The following SLC27A6 variants were observed in gnomAD, a reference collection of about 807,000 sequenced individuals.
SLC27A6 encodes the protein solute carrier family 27 member 6.
SLC27A6 carries 74 observed loss-of-function variants against 63.9 expected under a neutral mutation model. The observed-to-expected ratio is 1.16, with a 90% confidence interval of 0.96 to 1.40. SLC27A6 has a LOEUF of 1.40. Ranked by LOEUF, SLC27A6 falls within the 40% of genes most tolerant of loss-of-function variation. SLC27A6 has a pLI of 0.00. For missense variants in SLC27A6, 794 were observed against 732.9 expected, an observed-to-expected ratio of 1.08 and a Z score of -0.96; for synonymous variants, 287 against 260.8, an observed-to-expected ratio of 1.10 and a Z score of -0.97.
chr5:128,981,890 T>A (rs1750604766), intron 1 of SLC27A6, among the ~76,000 whole-genome samples: 1 of 151,668 alleles, frequency 6.6e-6, no homozygotes, highest in East Asian at 1.9e-4. Flanking sequence ...CTTGGCTCAC[T>A]GCAACCTCCG....
intron 4 of SLC27A6, among the ~76,000 whole-genome samples, chr5:129,008,301 T>G (rs944955557): frequency 1.3e-5 from 2 of 152,216 alleles, no homozygotes; most frequent in African/African-American, 4.8e-5. Flanking sequence ...GACAAAAGTC[T>G]TGATCCTAGT....
Position 129,033,253 on chromosome 5 carries a change from C to T in SLC27A6, c.1831C>T (p.Gln611Ter). The change falls in exon 10 of 10, where the codon CAA becomes TAA. Residue 611 changes from glutamine (Q) to a stop codon, truncating the protein, a stop_gained. Transcript: ENST00000262462. LOFTEE classifies it high-confidence loss of function. ...YVLLTRELYD[Q>*]IMLGEIKL ...TCTACTGACCAGGGAACTTTATGAT[C>T]AAATAATGTTAGGGGAAATAAAACT... The T allele has an allele frequency of 1.9e-6, 3 of 1,582,434 alleles. No individual in the cohort carries two copies. The South Asian group carries it at 3.5e-5, about 18-fold the overall frequency.
chr5:128,970,711 T>C (rs1466491786), intron 1 of SLC27A6, among the ~76,000 whole-genome samples: 1 of 152,028 alleles, frequency 6.6e-6, no homozygotes, highest in East Asian at 1.9e-4. Context: ...GAAAACCAGC[T>C]CCTGGATTCT....
chr5:129,010,058 C>A (rs1751679316), intron 4 of SLC27A6, among the ~76,000 whole-genome samples: 1 of 152,192 alleles, frequency 6.6e-6, no homozygotes, highest in Non-Finnish European at 1.5e-5. Context: ...TGCTAACGTG[C>A]TGAATCAGTG....
Position 128,988,598 on chromosome 5 carries a change from A to G in SLC27A6, c.686-2A>G. 6.2e-7 allele frequency: 1 copy of G among 1,612,982 alleles called. No homozygotes were observed. Among genetic ancestry groups the G allele is most frequent in the Non-Finnish European group, 8.5e-7 (1 of 1,179,518 alleles). ...ATTTCCTGTTCTTTTCTTTTCTTCCAGGTCTACCAAAAGCAGCTGTGATTA... is the reference window on the plus strand; with the variant it reads ...ATTTCCTGTTCTTTTCTTTTCTTCCGGGTCTACCAAAAGCAGCTGTGATTA... On this transcript the variant is annotated splice_acceptor_variant, in intron 2 of 9. Coordinates refer to ENST00000262462, the MANE Select transcript of SLC27A6 (RefSeq NM_001017372.3). LOFTEE classifies it high-confidence loss of function.
chr5:129,014,063 C>A (rs1237280435), intron 4 of SLC27A6, among the ~76,000 whole-genome samples: 1 of 152,104 alleles, frequency 6.6e-6, no homozygotes, highest in African/African-American at 2.4e-5. Context: ...GAACAGTTTC[C>A]TGCTCTGGTA....
chr5:129,028,137 T>A (rs929345905), intron 7 of SLC27A6, among the ~76,000 whole-genome samples: 2 of 152,132 alleles, frequency 1.3e-5, no homozygotes, highest in African/African-American at 4.8e-5. Flanking sequence ...CAATGAGATA[T>A]AAAGTAATTT....
intron 1 of SLC27A6, among the ~76,000 whole-genome samples, chr5:128,973,199 T>G (rs1386397195): frequency 6.6e-6 from 1 of 152,154 alleles, no homozygotes; most frequent in Non-Finnish European, 1.5e-5. Context: ...TACTGGGAGA[T>G]GTCTCCCAGT....
Position 128,966,326 on chromosome 5 carries a change from T to C in SLC27A6, c.189T>C (p.His63=). ...LVTVLDKFLS[H]AKRQPRKPFI... ...CTGTGCTGGATAAATTCTTGAGTCA[T>C]GCCAAAAGACAACCTCGGAAACCTT... is the stretch of plus-strand genomic sequence containing the variant. Residue 63 remains histidine (H), a synonymous_variant, in exon 1 of 10, where the codon CAT becomes CAC. Coordinates refer to ENST00000262462, the MANE Select transcript of SLC27A6 (RefSeq NM_001017372.3). 6.2e-7 allele frequency: 1 copy of C among 1,614,100 alleles called. No homozygotes were observed. The highest frequency in any genetic ancestry group is 8.5e-7 in the Non-Finnish European group (1 of 1,180,002).
intron 5 of SLC27A6, among the ~76,000 whole-genome samples, chr5:129,019,984 G>A (rs952995846): frequency 1.3e-5 from 2 of 151,884 alleles, no homozygotes; most frequent in East Asian, 1.9e-4. Flanking sequence ...CACTATATGG[G>A]GTAGAATAAT....
intron 4 of SLC27A6, among the ~76,000 whole-genome samples, chr5:129,006,071 G>GTTTTTTTTTTTTGTTTTTTTTTTT (rs1751514544): frequency 1.7e-5 from 1 of 60,144 alleles, no homozygotes; most frequent in Admixed American, 2.7e-4. Flanking sequence ...TGTGCACACT[G>GTTTTTTTTTTTTGTTTTTTTTTTT]TTTTTTTTTT....
intron 4 of SLC27A6, among the ~76,000 whole-genome samples, chr5:129,002,505 G>A (rs1049338858): frequency 3.3e-5 from 3 of 91,450 alleles, no homozygotes; most frequent in Non-Finnish European, 6.3e-5. Context: ...TCCCTCTCTC[G>A]TTCCCTGGTT....
chr5:128,993,394 C>A (rs1751043485), intron 4 of SLC27A6, among the ~76,000 whole-genome samples: 1 of 152,146 alleles, frequency 6.6e-6, no homozygotes, highest in Non-Finnish European at 1.5e-5. Context: ...AAGGATGCCT[C>A]AGTGGTTTTT....
chr5:128,992,303 T>G (rs901166884), intron 4 of SLC27A6, among the ~76,000 whole-genome samples: 3 of 152,084 alleles, frequency 2.0e-5, no homozygotes, highest in Non-Finnish European at 4.4e-5. Context: ...CACATCTGCT[T>G]AAGGCATGAA....
At chr5:128,976,774 AC>A (rs1473326189) in intron 1 of SLC27A6, among the ~76,000 whole-genome samples, 1 of 152,224 alleles carries the variant, frequency 6.6e-6, no homozygotes, top group Non-Finnish European at 1.5e-5. Flanking sequence ...TTTACTTCTT[AC>A]GAAGAGAAAT....
At chr5:128,996,910 G>A (rs4091540) in intron 4 of SLC27A6, among the ~76,000 whole-genome samples, 34,971 of 151,928 alleles carry the variant, frequency 0.23, 5,139 homozygotes, top group East Asian at 0.7. Flanking sequence ...GACCAAAGAC[G>A]GTCATAAGCT....
intron 1 of SLC27A6, among the ~76,000 whole-genome samples, chr5:128,977,254 T>C (rs1750421629): frequency 6.6e-6 from 1 of 152,230 alleles, no homozygotes; most frequent in Non-Finnish European, 1.5e-5. Flanking sequence ...AATTTAGCAG[T>C]GAACAAAACA....
intron 1 of SLC27A6, among the ~76,000 whole-genome samples, chr5:128,973,290 A>G (rs1162487112): frequency 6.6e-6 from 1 of 152,182 alleles, no homozygotes; most frequent in Non-Finnish European, 1.5e-5. Context: ...TGGGAGAACC[A>G]CTGCTCTCTT....
intron 9 of SLC27A6, among the ~76,000 whole-genome samples, chr5:129,031,222 G>A (rs1368395987): frequency 6.6e-6 from 1 of 151,984 alleles, no homozygotes; most frequent in Non-Finnish European, 1.5e-5. Flanking sequence ...ATTCACTATA[G>A]TTAGAAATAA....
Sources: gnomAD v4.1 joint callset for allele counts (sites outside exome capture counted in the v4.1 genomes callset) on GRCh38, gnomAD v4.1.1 for gene constraint, MANE v1.5 for transcripts, NCBI Gene and HGNC (gene_info 2026-07-23, HGNC 2026-07-21) for gene names.